Variants in HDX observed in about 807,000 individuals in gnomAD.
The protein encoded by HDX is highly divergent homeobox, also known as chromosome X open reading frame 43.
Under a neutral mutation model 45.2 loss-of-function variants are expected in HDX, and 19 were observed. The observed-to-expected ratio is 0.42, with a 90% confidence interval of 0.29 to 0.62. The LOEUF (loss-of-function observed/expected upper bound fraction) is 0.62. HDX is among the 20% of genes least tolerant of loss of function. The pLI, the probability that HDX is intolerant of heterozygous loss-of-function variation, is 0.20. For missense variants in HDX, 532 were observed against 493.9 expected (o/e 1.08, Z -0.73); for synonymous variants, 188 against 172.8 (o/e 1.09, Z -0.69).
At position 84,410,759 on chromosome X, in the gene HDX, A is replaced by G. The variant is rs753573142; in HGVS notation, c.1305+29773T>C. The stretch of plus-strand genomic sequence containing the variant: ...AGAAATGATACCAGCTCTTCCATAT[A>G]TGTCTGGTAGAATTTAGCTGTGAAT... On this transcript the variant is annotated intron_variant, in intron 5 of 10. Transcript: ENST00000373177. 1.3e-3 allele frequency among the ~76,000 whole-genome samples: 143 copies of G among 111,634 alleles called. 1 individual carries two copies. Among genetic ancestry groups the G allele is most frequent in the African/African-American group, 4.5e-3 (139 of 30,743 alleles).
chrX:84,324,377 A>G (rs2036664506), intron 10 of HDX, among the ~76,000 whole-genome samples: 1 of 111,771 alleles, frequency 8.9e-6, no homozygotes, highest in Non-Finnish European at 1.9e-5. Flanking sequence ...TGATGTAAAG[A>G]TCAGTAGTTT....
chrX:84,501,455 C>T (rs1053630241), intron 1 of HDX: 2 of 112,098 alleles, frequency 1.8e-5, no homozygotes, highest in South Asian at 7.4e-4. Context: ...GGACTTCATT[C>T]TGAGTCTTTC....
chrX:84,420,369 T>A (rs1330221973), intron 5 of HDX, among the ~76,000 whole-genome samples: 1 of 111,536 alleles, frequency 9.0e-6, no homozygotes, highest in Non-Finnish European at 1.9e-5. Flanking sequence ...AGTCCTTTAA[T>A]AGTAGAAATG....
intron 4 of HDX, among the ~76,000 whole-genome samples, chrX:84,449,289 T>G (rs1042887176): frequency 9.0e-6 from 1 of 111,601 alleles, no homozygotes; most frequent in African/African-American, 3.3e-5. Context: ...TACCAAGAGA[T>G]TTATGCATCC....
At chrX:84,428,388 C>T (rs1344682516) in intron 5 of HDX, among the ~76,000 whole-genome samples, 5 of 110,826 alleles carry the variant, frequency 4.5e-5, no homozygotes, top group Non-Finnish European at 9.5e-5. Context: ...TTAATTTCCC[C>T]AATAATATCT....
intron 5 of HDX, among the ~76,000 whole-genome samples, chrX:84,387,828 A>G (rs746969373): frequency 9.0e-6 from 1 of 111,581 alleles, no homozygotes; most frequent in Non-Finnish European, 1.9e-5. Context: ...CAGGGTTGAT[A>G]TTGACATGTG....
chrX:84,452,519 G>T (rs2040022134), intron 4 of HDX, among the ~76,000 whole-genome samples: 1 of 103,296 alleles, frequency 9.7e-6, no homozygotes, highest in East Asian at 3.0e-4. Flanking sequence ...CAAACAGAAG[G>T]ATCTCTTAAG....
At chrX:84,389,277 C>A (rs775759896) in intron 5 of HDX, among the ~76,000 whole-genome samples, 2 of 111,893 alleles carry the variant, frequency 1.8e-5, no homozygotes, top group Non-Finnish European at 3.8e-5. Flanking sequence ...ACCACTGCCA[C>A]GCCTGGCTTT....
chrX:84,490,793 T>C (rs2040878617), intron 1 of HDX, among the ~76,000 whole-genome samples: 2 of 111,301 alleles, frequency 1.8e-5, no homozygotes, highest in Admixed American at 9.6e-5. Context: ...TATACTTTTA[T>C]ATTGCTTTTT....
chrX:84,344,506 G>T, intron 6 of HDX, 49 bp from the exon 7 acceptor site: 3 of 874,889 alleles, frequency 3.4e-6, no homozygotes, highest in Non-Finnish European at 5.0e-6. Context: ...AGAAAACTTA[G>T]CAGTTCTAGC....
chrX:84,493,599 G>T (rs1405899191), intron 1 of HDX, among the ~76,000 whole-genome samples: 1 of 111,710 alleles, frequency 9.0e-6, no homozygotes, highest in African/African-American at 3.2e-5. Flanking sequence ...TCTAAAGAAA[G>T]CTTCTACCAA....
rs761060732 is a variant in HDX, at chrX:84,344,282, A to G, written c.1628T>C (p.Val543Ala). The G allele has an allele frequency of 2.0e-5, 24 of 1,206,390 alleles. No homozygotes were observed. Among genetic ancestry groups the G allele is most frequent in the Non-Finnish European group, 2.7e-5 (24 of 891,162 alleles). ...VGEDNDRNDEVSICLSEGSSQ... is the reference protein window; with the variant it reads ...VGEDNDRNDEASICLSEGSSQ... The stretch of plus-strand genomic sequence containing the variant: ...GCTTCCTTCAGACAAACAGATGGAT[A>G]CTTCATCATTTCTGTCATTATCCTC... Residue 543 changes from valine to alanine, a missense_variant, in exon 7 of 11, where the codon GTA becomes GCA. Val to Ala is a moderately conservative substitution (Grantham distance 64, BLOSUM62 0). Around this residue, in one of 3 missense-constraint regions of HDX, gnomAD observed 151 missense variants for 131.8 expected, o/e 1.15. Coordinates refer to ENST00000373177, the MANE Select transcript of HDX (RefSeq NM_001177479.2).
At chrX:84,417,218 G>GAGAAGAAAGAA (rs1556012088) in intron 5 of HDX, among the ~76,000 whole-genome samples, 5 of 100,294 alleles carry the variant, frequency 5.0e-5, no homozygotes, top group Admixed American at 2.2e-4. Flanking sequence ...AAAAAAAAGA[G>GAGAAGAAAGAA]AGAAAGAAAG....
intron 5 of HDX, among the ~76,000 whole-genome samples, chrX:84,405,588 CTTT>C (rs55758874): frequency 8.6e-5 from 5 of 58,181 alleles, no homozygotes; most frequent in Non-Finnish European, 9.9e-5. Flanking sequence ...GGATTTTCTG[CTTT>C]TTTTTTTTTT....
intron 10 of HDX, among the ~76,000 whole-genome samples, chrX:84,324,119 C>G (rs2036659489): frequency 9.0e-6 from 1 of 111,430 alleles, no homozygotes. Context: ...ATTTAAATAA[C>G]AACAACAACA....
intron 5 of HDX, among the ~76,000 whole-genome samples, chrX:84,367,883 GA>G (rs921704705): frequency 1.8e-5 from 2 of 111,685 alleles, no homozygotes; most frequent in Non-Finnish European, 3.8e-5. Flanking sequence ...ATAGCATTAG[GA>G]AAAATACCTA....
At chrX:84,362,164 G>A (rs936186416) in intron 5 of HDX, among the ~76,000 whole-genome samples, 4 of 111,245 alleles carry the variant, frequency 3.6e-5, no homozygotes, top group Admixed American at 9.6e-5. Context: ...AGGAGATCAC[G>A]TAGCCCTAAA....
rs988456796 is a variant in HDX, at chrX:84,370,662, A to G, written c.1306-9050T>C. 5.4e-5 allele frequency among the ~76,000 whole-genome samples: 6 copies of G among 112,079 alleles called. No homozygotes were observed. In the Admixed American group the frequency reaches 5.7e-4, roughly 11 times the overall value. ...ACAGTGAATTCTAGAGTTTCAACTG[A>G]CATTGCTCGGCTAACATTTTACTTG... On this transcript the variant is annotated intron_variant, in intron 5 of 10. Coordinates refer to ENST00000373177, the MANE Select transcript of HDX (RefSeq NM_001177479.2).
intron 5 of HDX, among the ~76,000 whole-genome samples, chrX:84,386,776 C>T (rs1372468695): frequency 1.8e-5 from 2 of 111,494 alleles, no homozygotes; most frequent in African/African-American, 6.5e-5. Flanking sequence ...TCTTATTTGT[C>T]TTTGCAAAGA....
Sources: gnomAD v4.1 joint callset for allele counts (sites outside exome capture counted in the v4.1 genomes callset) on GRCh38, gnomAD v4.1.1 for gene constraint, gnomAD v4.1.1 regional missense constraint, MANE v1.5 for transcripts, NCBI Gene and HGNC (gene_info 2026-07-23, HGNC 2026-07-21) for gene names.